Variants in CSTF2 observed in about 807,000 individuals in gnomAD.
CSTF2 encodes cleavage stimulation factor subunit 2.
CSTF2 carries 8 observed loss-of-function variants against 45.4 expected under a neutral mutation model. The observed-to-expected ratio is 0.18, with a 90% confidence interval of 0.10 to 0.32. The LOEUF is 0.32. CSTF2 is among the 10% of genes least tolerant of loss of function. The pLI is 1.00. For missense variants in CSTF2, 253 were observed against 477.1 expected (o/e 0.53, Z 4.38); for synonymous variants, 155 against 158.9 (o/e 0.98, Z 0.18).
chrX:100,827,825 A>G (rs1197773124), intron 7 of CSTF2, among the ~76,000 whole-genome samples: 1 of 112,290 alleles, frequency 8.9e-6, no homozygotes, highest in African/African-American at 3.2e-5. Context: ...AATTATTCTT[A>G]TTGAACTCAC....
At chrX:100,830,673 G>A (rs1029925257) in intron 8 of CSTF2, 12 of 473,116 alleles carry the variant, frequency 2.5e-5, no homozygotes, top group Admixed American at 2.2e-4. Context: ...TTGTAGCCTG[G>A]AGCAAGCCGA....
At chrX:100,836,931 G>A (rs2085012149) in intron 11 of CSTF2, among the ~76,000 whole-genome samples, 1 of 111,704 alleles carries the variant, frequency 9.0e-6, no homozygotes, top group Admixed American at 9.5e-5. Context: ...CTAGGGTAGG[G>A]GGTGGCCCTG....
Position 100,833,330 on chromosome X carries a change from G to A in CSTF2, c.1358G>A (p.Arg453His), listed in dbSNP as rs1475393761. ...ATGGAGGCCCGAGCGATGGAGGCCCGTGCAATGGAAGTCCGAGGGATGGAG... is the reference window on the plus strand; with the variant it reads ...ATGGAGGCCCGAGCGATGGAGGCCCATGCAATGGAAGTCCGAGGGATGGAG... The part of the protein sequence containing the change: ...RAMEARAMEA[R>H]AMEVRGMEAR... The change falls in exon 11 of 14, where the codon CGT (arginine) becomes CAT (histidine). Residue 453 changes from arginine (R) to histidine (H), a missense_variant. Coordinates refer to ENST00000372972, the MANE Select transcript of CSTF2 (RefSeq NM_001325.3). The A allele has an allele frequency of 9.9e-6, 12 of 1,208,793 alleles. No individual in the cohort carries two copies. The highest frequency in any genetic ancestry group is 7.0e-5 in the African/African-American group (4 of 56,959).
At chrX:100,837,283 A>G in intron 11 of CSTF2, 56 bp from the exon 12 acceptor site, 1 of 812,525 alleles carries the variant, frequency 1.2e-6, no homozygotes, top group Non-Finnish European at 1.8e-6. Flanking sequence ...TACTGAATTC[A>G]GGTTACCTAT....
At chrX:100,830,815 A>T (rs1308611877) in intron 8 of CSTF2, 2 of 1,153,706 alleles carry the variant, frequency 1.7e-6, no homozygotes, top group East Asian at 6.5e-5. Context: ...TAGGAACCCT[A>T]CAGCACTCGC....
chrX:100,828,038 A>G lies in CSTF2; in HGVS notation c.827-2A>G. The G allele has an allele frequency of 1.7e-6, 2 of 1,205,940 alleles. No homozygotes were observed. Among genetic ancestry groups the G allele is most frequent in the Non-Finnish European group, 2.2e-6 (2 of 892,210 alleles). On this transcript the variant is annotated splice_acceptor_variant, in intron 7 of 13. Transcript: ENST00000372972. LOFTEE classifies it high-confidence loss of function. ...TTTTCTTGTCTGCCCTTTATCTTCTAGGAGGAATGCAGGCTCAGGTTGGAA... is the reference window on the plus strand; with the variant it reads ...TTTTCTTGTCTGCCCTTTATCTTCTGGGAGGAATGCAGGCTCAGGTTGGAA...
At chrX:100,840,649 G>A (rs1208857158) in intron 13 of CSTF2, 65 bp from the exon 14 acceptor site, 1 of 111,296 alleles carries the variant, frequency 9.0e-6, no homozygotes, top group African/African-American at 3.3e-5. Context: ...TTTTTTTCCT[G>A]AAGTTTTTCC....
intron 6 of CSTF2, 77 bp downstream of exon 6, chrX:100,824,334 AAG>A: frequency 2.0e-6 from 2 of 1,005,419 alleles, no homozygotes; most frequent in Admixed American, 7.6e-5. Flanking sequence ...ATATTGAAAG[AAG>A]AATGGTCAGG....
chrX:100,823,629 C>T (rs764620853), intron 4 of CSTF2, among the ~76,000 whole-genome samples: 2 of 112,498 alleles, frequency 1.8e-5, no homozygotes, highest in Admixed American at 9.4e-5. Flanking sequence ...GCTATCCAAA[C>T]AATCCAGCTG....
chrX:100,826,546 C>A, intron 6 of CSTF2, 88 bp from the exon 7 acceptor site: 9 of 930,123 alleles, frequency 9.7e-6, no homozygotes, highest in Non-Finnish European at 1.4e-5. Context: ...TGGGGCTGTT[C>A]ATTTGAAGAG....
chrX:100,828,453 A>G (rs2084956503), intron 8 of CSTF2, among the ~76,000 whole-genome samples: 1 of 112,083 alleles, frequency 8.9e-6, no homozygotes, highest in African/African-American at 3.2e-5. Flanking sequence ...CCTGATTCCT[A>G]GTCTAATAAT....
chrX:100,821,508 T>C lies in CSTF2; in HGVS notation c.59-19T>C. ...TGTTATAAACTCAGAATTTTAATGT[T>C]ACCTATTTTCTTCCTTAGTGGGGAA... On this transcript the variant is annotated intron_variant, in intron 1 of 13. Coordinates refer to ENST00000372972, the MANE Select transcript of CSTF2 (RefSeq NM_001325.3). The C allele has an allele frequency of 2.7e-5, 30 of 1,106,252 alleles. No individual in the cohort carries two copies. Among genetic ancestry groups the C allele is most frequent in the Non-Finnish European group, 3.7e-5 (30 of 800,306 alleles). The allele number at this position is 1,106,252 out of a possible 1,213,427, so 91.2% of individuals were successfully genotyped here.
intron 6 of CSTF2, among the ~76,000 whole-genome samples, chrX:100,826,408 G>A (rs2084944889): frequency 9.5e-6 from 1 of 105,479 alleles, no homozygotes. Context: ...TTGAGAATAT[G>A]TTCCATCTTA....
intron 8 of CSTF2, among the ~76,000 whole-genome samples, chrX:100,829,470 G>C (rs1322912357): frequency 9.0e-6 from 1 of 111,068 alleles, no homozygotes; most frequent in Non-Finnish European, 1.9e-5. Flanking sequence ...TCCAGCCTGG[G>C]CAACAGAGCA....
rs759740051 is a variant in CSTF2 at position 100,829,496 on chromosome X, GAA to G, written c.889+1395_889+1396del. On this transcript the variant is annotated intron_variant, in intron 8 of 13. Coordinates refer to ENST00000372972, the MANE Select transcript of CSTF2 (RefSeq NM_001325.3). ...CAACAGAGCAAGACCCTGTCTCAAA[GAA>G]TATATATATATACACACACACACAC... Among the ~76,000 whole-genome samples, 82 of 110,196 alleles carry G rather than the reference GAA, an allele frequency of 7.4e-4. No homozygotes were observed. The East Asian group carries it at 0.023, about 31-fold the overall frequency.
Position 100,831,649 on chromosome X carries a change from G to A in CSTF2, c.1024G>A (p.Glu342Lys). 1 of 1,210,669 alleles carries A rather than the reference G, an allele frequency of 8.3e-7. No homozygotes were observed. Among genetic ancestry groups the A allele is most frequent in the Non-Finnish European group, 1.1e-6 (1 of 894,676 alleles). ...TTTACTTTCTGTAACTGGAGAGGTA[G>A]AGCCTAGGTAAGCACTAACATAGAA... ...GTLLSVTGEV[E>K]PRGYLGPPHQ... Residue 342 changes from glutamate (E) to lysine (K), a missense_variant, in exon 9 of 14, where the codon GAG becomes AAG. By Grantham distance (56) the Glu-to-Lys change is moderately conservative. Around this residue, in one of 3 missense-constraint regions of CSTF2, gnomAD observed 200 missense variants for 294.0 expected, o/e 0.68. Transcript: ENST00000372972.
chrX:100,823,200 G>T (rs2084928241), intron 3 of CSTF2, 92 bp from the exon 4 acceptor site: 8 of 996,434 alleles, frequency 8.0e-6, no homozygotes, highest in Non-Finnish European at 1.1e-5. Context: ...ATTATCAGCT[G>T]GTTCTTACAG....
rs190621269 is a variant in CSTF2, at chrX:100,830,818, G to A, written c.890-697G>A. The A allele has an allele frequency of 9.6e-5, 111 of 1,151,565 alleles. No individual in the cohort carries two copies. The African/African-American group carries it at 1.5e-3, about 16-fold the overall frequency. The allele number at this position is 1,151,565 out of a possible 1,213,427, so 94.9% of individuals were successfully genotyped here. ...TTACTGCTTACCTAGGAACCCTACA[G>A]CACTCGCCCGTGGGACCCGCCGGGC... On this transcript the variant is annotated intron_variant, in intron 8 of 13. Coordinates refer to ENST00000372972, the MANE Select transcript of CSTF2 (RefSeq NM_001325.3).
intron 11 of CSTF2, among the ~76,000 whole-genome samples, chrX:100,834,618 T>C (rs1405275683): frequency 4.4e-5 from 5 of 112,389 alleles, no homozygotes; most frequent in Non-Finnish European, 5.6e-5. Flanking sequence ...TTGATTTTTA[T>C]TGTACTCTCT....
Sources: gnomAD v4.1 joint callset for allele counts (sites outside exome capture counted in the v4.1 genomes callset) on GRCh38, gnomAD v4.1.1 for gene constraint, gnomAD v4.1.1 regional missense constraint, MANE v1.5 for transcripts, NCBI Gene and HGNC (gene_info 2026-07-23, HGNC 2026-07-21) for gene names.